Variants in THOC1 observed in about 807,000 individuals in gnomAD.
THOC1 encodes the protein THO complex 1.
THOC1 carries 29 observed loss-of-function variants against 97.3 expected under a neutral mutation model. The observed-to-expected ratio is 0.30, with a 90% CI of 0.22 to 0.41. The LOEUF is 0.41. Among genes scored for constraint, THOC1 ranks in the 10% least tolerant of loss-of-function variants. The pLI is 1.00. For missense variants in THOC1, 529 were observed against 761.9 expected, an observed-to-expected ratio of 0.69 and a Z score of 3.60; for synonymous variants, 255 against 257.0, an observed-to-expected ratio of 0.99 and a Z score of 0.07.
At chr18:217,349 CAT>C (rs1252644209) in intron 18 of THOC1, among the ~76,000 whole-genome samples, 1 of 152,224 alleles carries the variant, frequency 6.6e-6, no homozygotes, top group Non-Finnish European at 1.5e-5. Flanking sequence ...TCCTCTCTGA[CAT>C]ATCTGTTTAG....
intron 18 of THOC1, among the ~76,000 whole-genome samples, chr18:217,616 A>G (rs1359321659): frequency 6.6e-6 from 1 of 152,244 alleles, no homozygotes; most frequent in East Asian, 1.9e-4. Flanking sequence ...CACACAAGGT[A>G]TAAGACAATT....
chr18:263,857 A>G (rs1432530815), intron 4 of THOC1, 169 bp downstream of exon 4: 3 of 581,656 alleles, frequency 5.2e-6, no homozygotes, highest in East Asian at 5.8e-5. Context: ...GAGATGAGAA[A>G]TAAGAGTGAA....
At chr18:238,180 T>C (rs1022360851) in intron 11 of THOC1, among the ~76,000 whole-genome samples, 3 of 152,164 alleles carry the variant, frequency 2.0e-5, no homozygotes, top group Admixed American at 6.5e-5. Context: ...TTTCTAATAA[T>C]TCTTTTCAAA....
At chr18:236,476 C>T (rs1176537342) in intron 11 of THOC1, among the ~76,000 whole-genome samples, 1 of 92,050 alleles carries the variant, frequency 1.1e-5, no homozygotes, top group East Asian at 2.2e-4. Context: ...CTGCCTCAGC[C>T]TCCCGAGTAG....
At chr18:218,394 G>C (rs1258624373) in intron 18 of THOC1, among the ~76,000 whole-genome samples, 2 of 152,158 alleles carry the variant, frequency 1.3e-5, no homozygotes, top group Non-Finnish European at 2.9e-5. Flanking sequence ...TCTAGATAAA[G>C]AGGCTAAGAC....
chr18:250,248 G>A (rs1243348661), intron 9 of THOC1, among the ~76,000 whole-genome samples: 3 of 152,096 alleles, frequency 2.0e-5, no homozygotes, highest in Non-Finnish European at 4.4e-5. Context: ...GCTGTCCCTT[G>A]CTCTTTTCCT....
At chr18:258,197 G>T (rs567941815) in intron 7 of THOC1, among the ~76,000 whole-genome samples, 1 of 152,048 alleles carries the variant, frequency 6.6e-6, no homozygotes, top group South Asian at 2.1e-4. Context: ...ACAAAGTAAA[G>T]ATTATTTCCC....
intron 8 of THOC1, 134 bp from the exon 9 acceptor site, chr18:252,746 A>G (rs1912320664): frequency 2.9e-6 from 2 of 691,730 alleles, no homozygotes; most frequent in South Asian, 3.3e-5. Flanking sequence ...AACTATCTAG[A>G]CCTATAGTTA....
At chr18:225,428 T>C (rs1911246910) in intron 12 of THOC1, 25 bp from the exon 13 acceptor site, 3 of 1,605,756 alleles carry the variant, frequency 1.9e-6, no homozygotes, top group Non-Finnish European at 2.6e-6. Context: ...AATGAAAGCA[T>C]GCTTGAGTTA....
At chr18:244,226 T>G (rs1350882248) in intron 11 of THOC1, 9 of 152,212 alleles carry the variant, frequency 5.9e-5, no homozygotes, top group Non-Finnish European at 1.3e-4. Context: ...TAAAAAAATT[T>G]TAAATCATTC....
chr18:246,884 G>A (rs1598301244), intron 10 of THOC1, among the ~76,000 whole-genome samples: 1 of 125,778 alleles, frequency 8.0e-6, no homozygotes, highest in South Asian at 2.8e-4. Flanking sequence ...GACTGAGGCT[G>A]AAGAATCCCT....
Position 214,762 on chromosome 18 carries a change from G to T in THOC1, c.1838C>A (p.Ala613Asp). 1 of 1,613,922 alleles carries T rather than the reference G, an allele frequency of 6.2e-7. No individual in the cohort carries two copies. Among genetic ancestry groups the T allele is most frequent in the Non-Finnish European group, 8.5e-7 (1 of 1,179,854 alleles). The stretch of plus-strand genomic sequence containing the variant: ...TTGCCAGGCAACCAGGAGCTGCTTA[G>T]CTCTCATCTTCATGTCTTCACTGTC... ...ECDSEDMKMR[A>D]KQLLVAWQDQ... is the part of the protein sequence containing the mutation. The change falls in exon 21 of 21, where the codon GCT becomes GAT. Residue 613 changes from alanine to aspartate, a missense_variant. Transcript: ENST00000261600.
chr18:214,591 T>TATC lies in THOC1; in HGVS notation c.*32_*34dup, dbSNP rs759421947. On this transcript the variant is annotated 3_prime_UTR_variant, in exon 21 of 21. Coordinates refer to ENST00000261600, the MANE Select transcript of THOC1 (RefSeq NM_005131.3). ...TCAAATGCTGCTTGGTAACAAAATC[T>TATC]ATCACAGTTTTAATAAAAAGAAAAA... 4.5e-6 allele frequency: 7 copies of TATC among 1,544,662 alleles called. No homozygotes were observed. In the Admixed American group the frequency reaches 7.6e-5, roughly 17 times the overall value.
intron 10 of THOC1, among the ~76,000 whole-genome samples, chr18:247,176 T>C (rs1158210105): frequency 6.6e-6 from 1 of 152,112 alleles, no homozygotes; most frequent in East Asian, 1.9e-4. Context: ...CCACAAAAAA[T>C]TGCATATAAA....
chr18:219,453 G>A (rs1177628663), intron 17 of THOC1, among the ~76,000 whole-genome samples: 5 of 134,384 alleles, frequency 3.7e-5, no homozygotes, highest in Admixed American at 7.9e-5. Context: ...TTCCCTGAGC[G>A]GTACAAAATA....
chr18:267,231 A>G (rs1183247750), intron 1 of THOC1, among the ~76,000 whole-genome samples: 4 of 152,176 alleles, frequency 2.6e-5, no homozygotes, highest in Non-Finnish European at 5.9e-5. Context: ...GCAACATAAA[A>G]AGAACAGAGT....
At chr18:265,231 A>C (rs1235998931) in intron 3 of THOC1, 72 bp downstream of exon 3, 1 of 1,325,304 alleles carries the variant, frequency 7.5e-7, no homozygotes. Flanking sequence ...ATTCTAAGAA[A>C]AAAAGCAATT....
chr18:252,923 C>T (rs1285190052), intron 8 of THOC1, among the ~76,000 whole-genome samples: 1 of 152,128 alleles, frequency 6.6e-6, no homozygotes, highest in Admixed American at 6.5e-5. Context: ...TGGAAATGCA[C>T]AAGACAATTC....
At chr18:235,637 CT>C (rs929099447) in intron 11 of THOC1, among the ~76,000 whole-genome samples, 117 of 152,032 alleles carry the variant, frequency 7.7e-4, no homozygotes, top group Middle Eastern at 3.4e-3. Flanking sequence ...ATATATTTGC[CT>C]TTTTTTAAGC....
Sources: gnomAD v4.1 joint callset for allele counts (sites outside exome capture counted in the v4.1 genomes callset) on GRCh38, gnomAD v4.1.1 for gene constraint, MANE v1.5 for transcripts, NCBI Gene and HGNC (gene_info 2026-07-23, HGNC 2026-07-21) for gene names.